Variants in ZNRF1 observed in about 807,000 individuals in gnomAD.
ZNRF1 encodes zinc and ring finger 1.
In ZNRF1, 3 loss-of-function variants were observed where a neutral mutation model predicts 18.4. That is an observed-to-expected ratio of 0.16 (90% CI 0.07 to 0.42). The LOEUF (loss-of-function observed/expected upper bound fraction) is 0.42. Among genes scored for constraint, ZNRF1 ranks in the 10% least tolerant of loss-of-function variants. The pLI, the probability that ZNRF1 is intolerant of heterozygous loss-of-function variation, is 0.99. For missense variants in ZNRF1, 310 were observed against 329.8 expected, an observed-to-expected ratio of 0.94 and a Z score of 0.47; for synonymous variants, 157 against 144.2, an observed-to-expected ratio of 1.09 and a Z score of -0.64.
chr16:75,053,819 G>C lies in ZNRF1; in HGVS notation c.425-39753G>C, dbSNP rs527616037. 3.0e-4 allele frequency among the ~76,000 whole-genome samples: 46 copies of C among 152,236 alleles called. No individual in the cohort carries two copies. In the South Asian group the frequency reaches 8.9e-3, roughly 30 times the overall value. On this transcript the variant is annotated intron_variant, in intron 1 of 4. Transcript: ENST00000335325. ...CACATCACATTTTGGAGAAAGTCTA[G>C]ACTTTAGAAAAGAGCCTTTAGGGTA... is the stretch of plus-strand genomic sequence containing the variant.
chr16:75,043,806 TGAGACAGA>T (rs1567476292), intron 1 of ZNRF1, among the ~76,000 whole-genome samples: 1,015 of 147,136 alleles, frequency 6.9e-3, no homozygotes, highest in East Asian at 0.011. Context: ...TTTTTTTTTT[TGAGACAGA>T]GTTTTGTTCT....
Position 75,001,788 on chromosome 16 carries a change from AATTT to A in ZNRF1, c.424+1701_424+1704del, listed in dbSNP as rs543152977. On this transcript the variant is annotated intron_variant, in intron 1 of 4. Transcript: ENST00000335325. ...AAAATTTCTTAAGCCTCTTACTAAA[AATTT>A]ATTTATTATGCTACTACCAGGTTCC... is the stretch of plus-strand genomic sequence containing the variant. Among the ~76,000 whole-genome samples, 185 of 152,246 alleles carry A rather than the reference AATTT, an allele frequency of 1.2e-3. 1 individual carries two copies. Among genetic ancestry groups the A allele is most frequent in the African/African-American group, 4.1e-3 (170 of 41,526 alleles).
chr16:75,043,541 C>A (rs184566771), intron 1 of ZNRF1, among the ~76,000 whole-genome samples: 1 of 152,150 alleles, frequency 6.6e-6, no homozygotes, highest in Non-Finnish European at 1.5e-5. Context: ...CTAATACTTA[C>A]AGAACATTTA....
chr16:75,000,813 C>A (rs147045012), intron 1 of ZNRF1, among the ~76,000 whole-genome samples: 327 of 152,294 alleles, frequency 2.1e-3, no homozygotes, highest in African/African-American at 7.3e-3. Flanking sequence ...ATGCTAAGTG[C>A]TTGGTCTTCC....
intron 1 of ZNRF1, among the ~76,000 whole-genome samples, chr16:75,090,967 T>C (rs1815782181): frequency 6.6e-6 from 1 of 152,146 alleles, no homozygotes; most frequent in African/African-American, 2.4e-5. Flanking sequence ...CTCAGGCTAG[T>C]CTTGAACTCC....
In ZNRF1 at chr16:75,109,158, G is replaced by A. The variant is rs950691404; in HGVS notation, c.*1458G>A. ...ATGCTTCATTGAGGCCCAGGAAGAG[G>A]CCCTGGTTTGGGGCTGTGCCAGCTC... On this transcript the variant is annotated 3_prime_UTR_variant, in exon 5 of 5. Transcript: ENST00000335325. 1 of 152,290 alleles carries A rather than the reference G, an allele frequency of 6.6e-6. No homozygotes were observed. The highest frequency in any genetic ancestry group is 2.4e-5 in the African/African-American group (1 of 41,458). 9.4% of individuals were successfully genotyped at this position (152,290 alleles called of 1,614,324 possible). A position where few individuals can be genotyped will look rare whatever the true frequency, so the allele number is the denominator to read the frequency against.
intron 1 of ZNRF1, among the ~76,000 whole-genome samples, chr16:75,078,216 G>T (rs1473218684): frequency 6.6e-6 from 1 of 151,604 alleles, no homozygotes; most frequent in African/African-American, 2.4e-5. Flanking sequence ...GAATGCTGTA[G>T]CTCTGAGCCC....
chr16:75,047,901 G>A (rs2035537016), intron 1 of ZNRF1, among the ~76,000 whole-genome samples: 2 of 151,730 alleles, frequency 1.3e-5, no homozygotes, highest in South Asian at 2.1e-4. Context: ...GGTCTTCTCC[G>A]CTTCTCCGTG....
Position 75,085,855 on chromosome 16 carries a change from A to G in ZNRF1, c.425-7717A>G, listed in dbSNP as rs1274937143. On this transcript the variant is annotated intron_variant, in intron 1 of 4. Coordinates refer to ENST00000335325, the MANE Select transcript of ZNRF1 (RefSeq NM_032268.5). ...GTGTGTGTGTGTGTAGAGATTTATT[A>G]TAAGAAACTGGCTTACATGATTATG... is the stretch of plus-strand genomic sequence containing the variant. Among the ~76,000 whole-genome samples the G allele has an allele frequency of 2.7e-5, 4 of 147,910 alleles. No individual in the cohort carries two copies. In the South Asian group the frequency reaches 6.3e-4, roughly 23 times the overall value.
At chr16:75,094,163 AT>A (rs898212741) in intron 2 of ZNRF1, among the ~76,000 whole-genome samples, 6 of 152,144 alleles carry the variant, frequency 3.9e-5, no homozygotes, top group Non-Finnish European at 8.8e-5. Context: ...CGAACACCTG[AT>A]TTAGTCCTAT....
chr16:75,060,365 T>G (rs907011291), intron 1 of ZNRF1, among the ~76,000 whole-genome samples: 2 of 151,942 alleles, frequency 1.3e-5, no homozygotes, highest in Non-Finnish European at 1.5e-5. Context: ...GTTTTCTAAG[T>G]TAGGGTAGTC....
intron 1 of ZNRF1, among the ~76,000 whole-genome samples, chr16:75,059,229 C>CTTTTTTTTTTTTTTTTTTTTTTTTTTT (rs35291578): frequency 3.2e-5 from 3 of 92,880 alleles, no homozygotes; most frequent in African/African-American, 7.5e-5. Flanking sequence ...TTCTTTCTTT[C>CTTTTTTTTTTTTTTTTTTTTTTTTTTT]TTTTTTTTTT....
intron 1 of ZNRF1, among the ~76,000 whole-genome samples, chr16:75,041,484 C>A (rs1363234948): frequency 6.6e-6 from 1 of 152,004 alleles, no homozygotes; most frequent in Non-Finnish European, 1.5e-5. Flanking sequence ...TGCATGCCGC[C>A]ATATCCGGCT....
intron 1 of ZNRF1, among the ~76,000 whole-genome samples, chr16:75,072,151 T>G (rs1456422932): frequency 6.6e-6 from 1 of 151,986 alleles, no homozygotes; most frequent in Non-Finnish European, 1.5e-5. Flanking sequence ...AGTCAGATTT[T>G]TTGTAGAAAT....
intron 1 of ZNRF1, among the ~76,000 whole-genome samples, chr16:75,078,187 C>A (rs192383630): frequency 1.3e-5 from 2 of 151,498 alleles, no homozygotes; most frequent in African/African-American, 4.9e-5. Context: ...ATAACTTGTG[C>A]GTGGAGAAGT....
intron 1 of ZNRF1, among the ~76,000 whole-genome samples, chr16:75,022,386 A>AC (rs1410429981): frequency 6.7e-6 from 1 of 149,920 alleles, no homozygotes; most frequent in Non-Finnish European, 1.5e-5. Context: ...ACATGGTGAA[A>AC]CCCCGTCTCT....
intron 2 of ZNRF1, chr16:75,095,838 C>A: frequency 7.7e-7 from 1 of 1,299,304 alleles, no homozygotes; most frequent in Non-Finnish European, 1.0e-6. Flanking sequence ...ACTTGAGTGC[C>A]TGGCGCTGTT....
At chr16:75,008,975 C>A (rs776841587) in intron 1 of ZNRF1, among the ~76,000 whole-genome samples, 1 of 152,192 alleles carries the variant, frequency 6.6e-6, no homozygotes, top group Non-Finnish European at 1.5e-5. Context: ...ATGAGGGGTC[C>A]TCTGTCCTCT....
chr16:75,076,394 G>A (rs575441679), intron 1 of ZNRF1, among the ~76,000 whole-genome samples: 3 of 152,050 alleles, frequency 2.0e-5, no homozygotes, highest in Non-Finnish European at 4.4e-5. Context: ...GGACACATTC[G>A]CTAGACAGCC....
Sources: gnomAD v4.1 joint callset for allele counts (sites outside exome capture counted in the v4.1 genomes callset) on GRCh38, gnomAD v4.1.1 for gene constraint, MANE v1.5 for transcripts, NCBI Gene and HGNC (gene_info 2026-07-23, HGNC 2026-07-21) for gene names.